The following C1orf122 variants were observed in gnomAD, a reference collection of about 807,000 sequenced individuals.
The protein encoded by C1orf122 is uncharacterized protein C1orf122.
A neutral mutation model predicts 12.9 loss-of-function variants in C1orf122; 12 were observed. The ratio of observed to expected loss-of-function variants is 0.93; its 90% CI spans 0.60 to 1.51. C1orf122 has a LOEUF of 1.51. Among genes scored for constraint, C1orf122 ranks in the 40% most tolerant of loss-of-function variants. C1orf122 has a pLI of 0.00. For synonymous variants in C1orf122, 57 were observed against 73.4 expected (o/e 0.78, Z 1.14); for missense variants, 144 against 162.1 (o/e 0.89, Z 0.61).
chr1:37,808,294 T>G lies in C1orf122; in HGVS notation c.-111T>G. On this transcript the variant is annotated 5_prime_UTR_variant, in exon 1 of 3. Coordinates refer to ENST00000373042, the MANE Select transcript of C1orf122 (RefSeq NM_198446.3). ...AAAGGGACCACGACCCCCAGGAGGA[T>G]TGAAGGAGACCGGTGGGGACGGGGC... The G allele has an allele frequency of 7.8e-7, 1 of 1,283,826 alleles. No individual in the cohort carries two copies. 79.5% of individuals were successfully genotyped at this position (1,283,826 alleles called of 1,614,324 possible). A position where few individuals can be genotyped will look rare whatever the true frequency, so the allele number is the denominator to read the frequency against.
At position 37,807,962 on chromosome 1, in the gene C1orf122, G is replaced by A. The variant is rs1168347854; in HGVS notation, c.-443G>A. The stretch of plus-strand genomic sequence containing the variant: ...CGGCGCCGGCGCGCAGCTCGGCCAC[G>A]GCGGCCCGCAGCGCCTCGGTCCAGC... On this transcript the variant is annotated 5_prime_UTR_variant, in exon 1 of 3. Transcript: ENST00000373042. 38 of 1,220,780 alleles carry A rather than the reference G, an allele frequency of 3.1e-5. No individual in the cohort carries two copies. Among genetic ancestry groups the A allele is most frequent in the Non-Finnish European group, 3.5e-5 (34 of 981,198 alleles). The allele number at this position is 1,220,780 out of a possible 1,614,324, so 75.6% of individuals were successfully genotyped here. A position where few individuals can be genotyped will look rare whatever the true frequency, so the allele number is the denominator to read the frequency against.
In C1orf122 at chr1:37,808,599, C is replaced by G. The variant is rs886203427; in HGVS notation, c.104C>G (p.Pro35Arg). 7.7e-7 allele frequency: 1 copy of G among 1,302,122 alleles called. No individual in the cohort carries two copies. Among genetic ancestry groups the G allele is most frequent in the Admixed American group, 4.1e-5 (1 of 24,164 alleles). 80.7% of individuals were successfully genotyped at this position (1,302,122 alleles called of 1,614,324 possible). The change falls in exon 2 of 3, where the codon CCC becomes CGC. Residue 35 changes from proline to arginine, a missense_variant. Coordinates refer to ENST00000373042, the MANE Select transcript of C1orf122 (RefSeq NM_198446.3). ...GLGGRPPPQP[P>R]REERAQQLLD... ...GGCGGGAGGCCACCCCCACAGCCGC[C>G]CCGGGAGGAGCGCGCCCAGCAGCTG...
Position 37,809,256 on chromosome 1 carries a change from T to A in C1orf122, c.*183T>A. On this transcript the variant is annotated 3_prime_UTR_variant, in exon 3 of 3. Coordinates refer to ENST00000373042, the MANE Select transcript of C1orf122 (RefSeq NM_198446.3). ...CCCACTTCATCCTGGCTGAAAGCAG[T>A]GCTGTGCTTTGAAATGCAGCCAATG... 1 of 805,676 alleles carries A rather than the reference T, an allele frequency of 1.2e-6. No individual in the cohort carries two copies. Among genetic ancestry groups the A allele is most frequent in the Non-Finnish European group, 2.2e-6 (1 of 450,610 alleles). The allele number at this position is 805,676 out of a possible 1,614,324, so 49.9% of individuals were successfully genotyped here.
In C1orf122 at chr1:37,808,291, G is replaced by A; in HGVS notation, c.-114G>A. ...CTTAAAGGGACCACGACCCCCAGGA[G>A]GATTGAAGGAGACCGGTGGGGACGG... On this transcript the variant is annotated 5_prime_UTR_variant, in exon 1 of 3. Transcript: ENST00000373042. 19 of 1,286,656 alleles carry A rather than the reference G, an allele frequency of 1.5e-5. No individual in the cohort carries two copies. Among genetic ancestry groups the A allele is most frequent in the Non-Finnish European group, 1.9e-5 (19 of 1,017,340 alleles). 79.7% of individuals were successfully genotyped at this position (1,286,656 alleles called of 1,614,324 possible).
rs1262066854 is a variant in C1orf122 at position 37,808,111 on chromosome 1, G to A, written c.-294G>A. ...AGGCGACCGCTCCGGGAGCCAGCAG[G>A]CCCCTCGCTCAACCCCACGCTGGCA... On this transcript the variant is annotated 5_prime_UTR_variant, in exon 1 of 3. Coordinates refer to ENST00000373042, the MANE Select transcript of C1orf122 (RefSeq NM_198446.3). 6.2e-6 allele frequency: 9 copies of A among 1,445,446 alleles called. No homozygotes were observed. The highest frequency in any genetic ancestry group is 2.7e-5 in the Admixed American group (1 of 37,646). The allele number at this position is 1,445,446 out of a possible 1,614,324, so 89.5% of individuals were successfully genotyped here.
In C1orf122 at chr1:37,809,086, A is replaced by G; in HGVS notation, c.*13A>G. ...TGCGGAGCCCTGACCATCCCCGAGC[A>G]GAATACCCTGACTTCTCTCCCTCCC... On this transcript the variant is annotated 3_prime_UTR_variant, in exon 3 of 3. Coordinates refer to ENST00000373042, the MANE Select transcript of C1orf122 (RefSeq NM_198446.3). The G allele has an allele frequency of 6.2e-7, 1 of 1,613,530 alleles. No individual in the cohort carries two copies. Among genetic ancestry groups the G allele is most frequent in the Non-Finnish European group, 8.5e-7 (1 of 1,179,776 alleles).
chr1:37,809,021 C>T lies in C1orf122; in HGVS notation c.281C>T (p.Ser94Phe), dbSNP rs756242968. Residue 94 changes from serine to phenylalanine, a missense_variant, in exon 3 of 3, where the codon TCC becomes TTC. Physicochemically the swap from Ser to Phe is radical, Grantham distance 155 (BLOSUM62 -2). Coordinates refer to ENST00000373042, the MANE Select transcript of C1orf122 (RefSeq NM_198446.3). ...GGAGCGCCCCCCCAGCCGGCTGTCT[C>T]CGCCAGAGGCGGCTTTCCAAAGGAT... ...KPGAPPQPAV[S>F]ARGGFPKDAG... 7 of 1,613,870 alleles carry T rather than the reference C, an allele frequency of 4.3e-6. No individual in the cohort carries two copies. The Admixed American group carries it at 1.2e-4, about 27-fold the overall frequency.
In C1orf122 at chr1:37,808,527, G is replaced by T; in HGVS notation, c.36-4G>T. 7.7e-7 allele frequency: 1 copy of T among 1,302,346 alleles called. No homozygotes were observed. The highest frequency in any genetic ancestry group is 1.5e-5 in the African/African-American group (1 of 64,810). 80.7% of individuals were successfully genotyped at this position (1,302,346 alleles called of 1,614,324 possible). On this transcript the variant is annotated splice_region_variant and splice_polypyrimidine_tract_variant and intron_variant, in intron 1 of 2. Coordinates refer to ENST00000373042, the MANE Select transcript of C1orf122 (RefSeq NM_198446.3). ...CCGTCTGTCTCTCGCTCTCTCCCGG[G>T]CAGGGAGGCTGCCGGCGTGGACCGC...
rs767090439 is a variant in C1orf122 at position 37,808,168 on chromosome 1, G to T, written c.-237G>T. ...GCGGCCCTCATCCCCCTGCACCGAC[G>T]CGCCGGAGACATCCGCCCAGGCCCG... On this transcript the variant is annotated 5_prime_UTR_variant, in exon 1 of 3. Transcript: ENST00000373042. 2.1e-6 allele frequency: 3 copies of T among 1,456,112 alleles called. No homozygotes were observed. Among genetic ancestry groups the T allele is most frequent in the East Asian group, 6.0e-5 (2 of 33,090 alleles). The allele number at this position is 1,456,112 out of a possible 1,614,324, so 90.2% of individuals were successfully genotyped here. A position where few individuals can be genotyped will look rare whatever the true frequency, so the allele number is the denominator to read the frequency against.
In C1orf122 at chr1:37,809,331, G is replaced by A. The variant is rs1262772483; in HGVS notation, c.*258G>A. On this transcript the variant is annotated 3_prime_UTR_variant, in exon 3 of 3. Coordinates refer to ENST00000373042, the MANE Select transcript of C1orf122 (RefSeq NM_198446.3). ...TTGGGCAGACCAGCAGTGCTCGCCAGAGTGGTCTGGCCTGCTATGGGGGAT... is the reference window on the plus strand; with the variant it reads ...TTGGGCAGACCAGCAGTGCTCGCCAAAGTGGTCTGGCCTGCTATGGGGGAT... 8.7e-6 allele frequency: 5 copies of A among 576,166 alleles called. No homozygotes were observed. Among genetic ancestry groups the A allele is most frequent in the Non-Finnish European group, 1.6e-5 (5 of 312,998 alleles). The allele number at this position is 576,166 out of a possible 1,614,324, so 35.7% of individuals were successfully genotyped here. A position where few individuals can be genotyped will look rare whatever the true frequency, so the allele number is the denominator to read the frequency against.
rs1646753114 is a variant in C1orf122, at chr1:37,807,983, C to T, written c.-422C>T. The T allele has an allele frequency of 1.7e-6, 2 of 1,204,750 alleles. No homozygotes were observed. Among genetic ancestry groups the T allele is most frequent in the Non-Finnish European group, 2.1e-6 (2 of 971,488 alleles). 74.6% of individuals were successfully genotyped at this position (1,204,750 alleles called of 1,614,324 possible). ...CCACGGCGGCCCGCAGCGCCTCGGT[C>T]CAGCCGGCGCGCTCCGGGCTCGCGG... On this transcript the variant is annotated 5_prime_UTR_variant, in exon 1 of 3. Coordinates refer to ENST00000373042, the MANE Select transcript of C1orf122 (RefSeq NM_198446.3).
Position 37,809,014 on chromosome 1 carries a change from G to A in C1orf122, c.274G>A (p.Ala92Thr). 4 of 1,613,860 alleles carry A rather than the reference G, an allele frequency of 2.5e-6. No homozygotes were observed. Among genetic ancestry groups the A allele is most frequent in the South Asian group, 2.2e-5 (2 of 91,088 alleles). Residue 92 changes from alanine (A) to threonine (T), a missense_variant, in exon 3 of 3, where the codon GCT (alanine) becomes ACT (threonine). By Grantham distance (58) the Ala-to-Thr change is moderately conservative. Transcript: ENST00000373042. ...CAAACCTGGAGCGCCCCCCCAGCCG[G>A]CTGTCTCCGCCAGAGGCGGCTTTCC... ...SAKPGAPPQP[A>T]VSARGGFPKD...
At position 37,808,171 on chromosome 1, in the gene C1orf122, C is replaced by T; in HGVS notation, c.-234C>T. The T allele has an allele frequency of 1.4e-6, 2 of 1,455,096 alleles. No individual in the cohort carries two copies. Among genetic ancestry groups the T allele is most frequent in the Non-Finnish European group, 1.8e-6 (2 of 1,107,958 alleles). The allele number at this position is 1,455,096 out of a possible 1,614,324, so 90.1% of individuals were successfully genotyped here. On this transcript the variant is annotated 5_prime_UTR_variant, in exon 1 of 3. Transcript: ENST00000373042. ...GCCCTCATCCCCCTGCACCGACGCGCCGGAGACATCCGCCCAGGCCCGCTT... is the reference window on the plus strand; with the variant it reads ...GCCCTCATCCCCCTGCACCGACGCGTCGGAGACATCCGCCCAGGCCCGCTT...
In C1orf122 at chr1:37,808,094, G is replaced by A; in HGVS notation, c.-311G>A. The stretch of plus-strand genomic sequence containing the variant: ...GACTCGGCGGGCGGAAGAGGCGACC[G>A]CTCCGGGAGCCAGCAGGCCCCTCGC... On this transcript the variant is annotated 5_prime_UTR_variant, in exon 1 of 3. Transcript: ENST00000373042. 4 of 1,394,256 alleles carry A rather than the reference G, an allele frequency of 2.9e-6. No homozygotes were observed. Among genetic ancestry groups the A allele is most frequent in the Admixed American group, 3.2e-5 (1 of 31,140 alleles). 86.4% of individuals were successfully genotyped at this position (1,394,256 alleles called of 1,614,324 possible).
In C1orf122 at chr1:37,808,152, A is replaced by T. The variant is rs766070424; in HGVS notation, c.-253A>T. The T allele has an allele frequency of 6.1e-6, 9 of 1,470,272 alleles. No homozygotes were observed. The South Asian group carries it at 1.2e-4, about 19-fold the overall frequency. The allele number at this position is 1,470,272 out of a possible 1,614,324, so 91.1% of individuals were successfully genotyped here. ...CACGCTGGCAGCCACCGCGGCCCTCATCCCCCTGCACCGACGCGCCGGAGA... is the reference window on the plus strand; with the variant it reads ...CACGCTGGCAGCCACCGCGGCCCTCTTCCCCCTGCACCGACGCGCCGGAGA... On this transcript the variant is annotated 5_prime_UTR_variant, in exon 1 of 3. Coordinates refer to ENST00000373042, the MANE Select transcript of C1orf122 (RefSeq NM_198446.3).
rs1370523074 is a variant in C1orf122 at position 37,807,891 on chromosome 1, G to A, written c.-514G>A. ...AGCGCGCAGAGCCGCCGAGCAGCTC[G>A]CCGCGCAGGCCAGGCCGTACAGCGT... On this transcript the variant is annotated 5_prime_UTR_variant, in exon 1 of 3. Transcript: ENST00000373042. 2.4e-5 allele frequency: 35 copies of A among 1,448,676 alleles called. No individual in the cohort carries two copies. Among genetic ancestry groups the A allele is most frequent in the Non-Finnish European group, 9.1e-7 (1 of 1,097,886 alleles). 89.7% of individuals were successfully genotyped at this position (1,448,676 alleles called of 1,614,324 possible). A position where few individuals can be genotyped will look rare whatever the true frequency, so the allele number is the denominator to read the frequency against.
chr1:37,808,974 C>G lies in C1orf122; in HGVS notation c.238-4C>G. 6.2e-7 allele frequency: 1 copy of G among 1,612,768 alleles called. No individual in the cohort carries two copies. Among genetic ancestry groups the G allele is most frequent in the Non-Finnish European group, 8.5e-7 (1 of 1,179,782 alleles). On this transcript the variant is annotated splice_polypyrimidine_tract_variant and splice_region_variant and intron_variant, in intron 2 of 2. Transcript: ENST00000373042. Reference sequence around the variant, plus strand: ...CTCACTTTTTTCCTTTCTGTTCCAACTAGAACGTCTCAGCCAAACCTGGAG... The same window carrying G: ...CTCACTTTTTTCCTTTCTGTTCCAAGTAGAACGTCTCAGCCAAACCTGGAG...
In C1orf122 at chr1:37,807,797, G is replaced by A. The variant is rs1055538540; in HGVS notation, c.-608G>A. ...CCGGGTCGGGGCGGCCTTACCTGTA[G>A]ACGTCGGCCACGCGGCCGAGGCATA... On this transcript the variant is annotated 5_prime_UTR_variant, in exon 1 of 3. Coordinates refer to ENST00000373042, the MANE Select transcript of C1orf122 (RefSeq NM_198446.3). 2.0e-6 allele frequency: 3 copies of A among 1,509,708 alleles called. No individual in the cohort carries two copies. Among genetic ancestry groups the A allele is most frequent in the Admixed American group, 4.1e-5 (2 of 48,864 alleles). 93.5% of individuals were successfully genotyped at this position (1,509,708 alleles called of 1,614,324 possible).
chr1:37,809,367 T>C lies in C1orf122; in HGVS notation c.*294T>C, dbSNP rs530558889. On this transcript the variant is annotated 3_prime_UTR_variant, in exon 3 of 3. Coordinates refer to ENST00000373042, the MANE Select transcript of C1orf122 (RefSeq NM_198446.3). ...CCTGCTATGGGGGATCCAGGTGGTG[T>C]TACATGTCCATTTCATGTTTTGGGG... 4 of 470,874 alleles carry C rather than the reference T, an allele frequency of 8.5e-6. No homozygotes were observed. The highest frequency in any genetic ancestry group is 1.6e-5 in the Non-Finnish European group (4 of 256,240). 29.2% of individuals were successfully genotyped at this position (470,874 alleles called of 1,614,324 possible). A position where few individuals can be genotyped will look rare whatever the true frequency, so the allele number is the denominator to read the frequency against.
Sources: allele counts gnomAD v4.1 joint callset, GRCh38; gene constraint gnomAD v4.1.1; transcripts MANE v1.5; gene names NCBI Gene and HGNC (gene_info 2026-07-23, HGNC 2026-07-21).